ADGRL2: variants seen among roughly 807,000 people sequenced by gnomAD.
ADGRL2 encodes the protein adhesion G protein-coupled receptor L2, also known as calcium-independent alpha-latrotoxin receptor 2.
Under a neutral mutation model 157.4 loss-of-function variants are expected in ADGRL2, and 44 were observed. The ratio of observed to expected loss-of-function variants is 0.28; its 90% CI spans 0.22 to 0.36. ADGRL2 has a LOEUF of 0.36. Among genes scored for constraint, ADGRL2 ranks in the 10% least tolerant of loss-of-function variants. ADGRL2 has a pLI of 1.00. For missense variants in ADGRL2, 1,510 were observed against 1,768.9 expected (o/e 0.85, Z 2.63); for synonymous variants, 585 against 624.7 (o/e 0.94, Z 0.95).
intron 2 of ADGRL2, among the ~76,000 whole-genome samples, chr1:81,893,669 C>T (rs898298644): frequency 3.3e-5 from 5 of 152,052 alleles, no homozygotes; most frequent in East Asian, 1.9e-4. Context: ...GTTCTGCTAC[C>T]GTGCTGTTCC....
At chr1:81,737,635 A>T (rs1308030801) in intron 1 of ADGRL2, among the ~76,000 whole-genome samples, 1 of 152,164 alleles carries the variant, frequency 6.6e-6, no homozygotes, top group East Asian at 1.9e-4. Flanking sequence ...CTTATGGCTT[A>T]GATTATTTTC....
chr1:81,331,745 T>C (rs1011575705), intron 1 of ADGRL2, among the ~76,000 whole-genome samples: 6 of 152,168 alleles, frequency 3.9e-5, no homozygotes, highest in South Asian at 2.1e-4. Flanking sequence ...CATAGATTTA[T>C]TGATCATTTA....
intron 2 of ADGRL2, among the ~76,000 whole-genome samples, chr1:81,771,457 C>T (rs1469729131): frequency 6.6e-6 from 1 of 152,052 alleles, no homozygotes; most frequent in East Asian, 1.9e-4. Context: ...ATAGATATAT[C>T]CTTATCATTA....
chr1:81,363,533 G>A (rs2076013725), intron 1 of ADGRL2, among the ~76,000 whole-genome samples: 1 of 152,056 alleles, frequency 6.6e-6, no homozygotes, highest in African/African-American at 2.4e-5. Flanking sequence ...AGAATTCAAG[G>A]TTATATTAGC....
At chr1:81,879,762 A>G (rs2093938583) in intron 2 of ADGRL2, among the ~76,000 whole-genome samples, 1 of 152,142 alleles carries the variant, frequency 6.6e-6, no homozygotes, top group Non-Finnish European at 1.5e-5. Context: ...CTGTAATCCT[A>G]GCACTTTGGG....
At chr1:81,967,340 C>T (rs1241364923) in intron 13 of ADGRL2, among the ~76,000 whole-genome samples, 1 of 151,638 alleles carries the variant, frequency 6.6e-6, no homozygotes, top group African/African-American at 2.4e-5. Flanking sequence ...CGGCTCACTG[C>T]CAGCTCCACC....
At chr1:81,368,298 C>T (rs1228166232) in intron 1 of ADGRL2, among the ~76,000 whole-genome samples, 1 of 152,136 alleles carries the variant, frequency 6.6e-6, no homozygotes, top group Non-Finnish European at 1.5e-5. Context: ...ATCTTTTTAT[C>T]ATATGTTTGT....
intron 1 of ADGRL2, among the ~76,000 whole-genome samples, chr1:81,367,398 T>G (rs2100959755): frequency 6.6e-6 from 1 of 152,162 alleles, no homozygotes; most frequent in East Asian, 1.9e-4. Flanking sequence ...AGGCCCAGGT[T>G]TGTGTTGTTC....
intron 1 of ADGRL2, among the ~76,000 whole-genome samples, chr1:81,743,707 C>G (rs2085152519): frequency 1.3e-5 from 2 of 151,948 alleles, no homozygotes; most frequent in South Asian, 4.2e-4. Flanking sequence ...TGCAAAGCTC[C>G]CTTATTACCG....
intron 2 of ADGRL2, among the ~76,000 whole-genome samples, chr1:81,472,076 T>C (rs1017587783): frequency 2.6e-5 from 4 of 152,222 alleles, no homozygotes; most frequent in African/African-American, 7.2e-5. Flanking sequence ...CAGAGAAATG[T>C]AATTTAAATC....
At chr1:81,757,186 G>A (rs2085721987) in intron 1 of ADGRL2, among the ~76,000 whole-genome samples, 1 of 152,128 alleles carries the variant, frequency 6.6e-6, no homozygotes, top group Non-Finnish European at 1.5e-5. Flanking sequence ...TCAGCAGGAG[G>A]AATTTTAACC....
At position 81,521,789 on chromosome 1, in the gene ADGRL2, A is replaced by T. The variant is rs760407702; in HGVS notation, c.-247-59087A>T. ...TGAGACATGGGAAAAGATGATGTGG[A>T]GGAATTAAATTCTTCTTTTCTTTTG... On this transcript the variant is annotated intron_variant, in intron 2 of 24. Coordinates refer to the ADGRL2 transcript ENST00000370721. 3.9e-5 allele frequency among the ~76,000 whole-genome samples: 6 copies of T among 152,182 alleles called. 1 individual carries two copies. The highest frequency in any genetic ancestry group is 7.3e-5 in the Non-Finnish European group (5 of 68,028).
At position 81,311,951 on chromosome 1, in the gene ADGRL2, A is replaced by T. The variant is rs917438961; in HGVS notation, c.-302+5442A>T. On this transcript the variant is annotated intron_variant, in intron 1 of 24. Coordinates refer to the ADGRL2 transcript ENST00000370721. ...AGATGAGGAGAGGAGGGTTTAGGAGATTTTAAACAATTCAGACTTTGGCAT... is the reference window on the plus strand; with the variant it reads ...AGATGAGGAGAGGAGGGTTTAGGAGTTTTTAAACAATTCAGACTTTGGCAT... Among the ~76,000 whole-genome samples, 3 of 152,272 alleles carry T rather than the reference A, an allele frequency of 2.0e-5. 1 individual carries two copies. Among genetic ancestry groups the T allele is most frequent in the African/African-American group, 7.2e-5 (3 of 41,560 alleles).
chr1:81,306,838 T>C lies in ADGRL2; in HGVS notation c.-302+329T>C, dbSNP rs79529324. ...GTATGTTTTAACTTATTATGTATGC[T>C]GGCCAATAATAGCCAAGTGTAAAAT... On this transcript the variant is annotated intron_variant, in intron 1 of 24. Transcript: ENST00000370721. Among the ~76,000 whole-genome samples the C allele has an allele frequency of 2.8e-3, 428 of 152,048 alleles. 3 individuals carry two copies. The highest frequency in any genetic ancestry group is 1.9e-3 in the Non-Finnish European group (126 of 68,002).
chr1:81,444,165 T>C (rs188552419), intron 1 of ADGRL2, among the ~76,000 whole-genome samples: 79 of 152,228 alleles, frequency 5.2e-4, no homozygotes, highest in Admixed American at 9.2e-4. Flanking sequence ...CCTTAGGAAA[T>C]ATGTAACATT....
chr1:81,751,520 A>T (rs2085489499), intron 1 of ADGRL2, among the ~76,000 whole-genome samples: 1 of 152,326 alleles, frequency 6.6e-6, no homozygotes, highest in African/African-American at 2.4e-5. Context: ...AAAACTGTCA[A>T]ATTCATGAAA....
upstream of ADGRL2, among the ~76,000 whole-genome samples, chr1:81,698,178 C>T (rs993461326): frequency 6.6e-6 from 1 of 152,112 alleles, no homozygotes; most frequent in African/African-American, 2.4e-5. Flanking sequence ...AGAAAAAGCT[C>T]ATACCAAAGA....
chr1:81,324,729 T>G (rs1660773086), intron 1 of ADGRL2, among the ~76,000 whole-genome samples: 1 of 152,000 alleles, frequency 6.6e-6, no homozygotes, highest in South Asian at 2.1e-4. Context: ...AGGAAACTTT[T>G]TTTTTGAGGC....
chr1:81,457,970 A>G (rs2077840935), intron 2 of ADGRL2, among the ~76,000 whole-genome samples: 1 of 152,210 alleles, frequency 6.6e-6, no homozygotes, highest in Admixed American at 6.5e-5. Context: ...CCTAACTTCC[A>G]ATCAGATATT....
Sources: gnomAD v4.1 joint callset for allele counts (sites outside exome capture counted in the v4.1 genomes callset) on GRCh38, gnomAD v4.1.1 for gene constraint, MANE v1.5 for transcripts, NCBI Gene and HGNC (gene_info 2026-07-23, HGNC 2026-07-21) for gene names.